Variants in MAST4 observed in about 807,000 individuals in gnomAD.
The protein encoded by MAST4 is microtubule-associated serine/threonine-protein kinase 4.
Under a neutral mutation model 162.7 loss-of-function variants are expected in MAST4, and 89 were observed. The ratio of observed to expected loss-of-function variants is 0.55; its 90% CI spans 0.46 to 0.65. The LOEUF (loss-of-function observed/expected upper bound fraction) is 0.65. MAST4 is among the 30% of genes least tolerant of loss of function. The pLI, the probability that MAST4 is intolerant of heterozygous loss-of-function variation, is 0.00. For missense variants in MAST4, 3,153 were observed against 3,374.0 expected, an observed-to-expected ratio of 0.93 and a Z score of 1.62; for synonymous variants, 1,479 against 1,361.1, an observed-to-expected ratio of 1.09 and a Z score of -1.91.
chr5:67,121,089 A>T lies in MAST4; in HGVS notation c.1732A>T (p.Asn578Tyr). 6.2e-7 allele frequency: 1 copy of T among 1,606,864 alleles called. No individual in the cohort carries two copies. Among genetic ancestry groups the T allele is most frequent in the East Asian group, 2.2e-5 (1 of 44,748 alleles). The stretch of plus-strand genomic sequence containing the variant: ...TTTTGAAACGATTAAATTGATTAGC[A>T]ATGGAGCCTATGGGTGAGTAATTCA... ...SDFETIKLIS[N>Y]GAYGAVYFVR... The change falls in exon 14 of 29, where the codon AAT (asparagine) becomes TAT (tyrosine). Residue 578 changes from asparagine (N) to tyrosine (Y), a missense_variant. By Grantham distance (143) the Asn-to-Tyr change is moderately radical. This residue lies in a region of MAST4 where 360 missense variants were observed against 450.0 expected (regional missense o/e 0.80). Coordinates refer to ENST00000403625, the MANE Select transcript of MAST4 (RefSeq NM_001164664.2).
chr5:66,613,975 C>T (rs138963260), intron 1 of MAST4, among the ~76,000 whole-genome samples: 156 of 152,288 alleles, frequency 1.0e-3, no homozygotes, highest in Non-Finnish European at 1.2e-3. Context: ...TCCCAAAAGC[C>T]ATGCAAATTT....
intron 4 of MAST4, among the ~76,000 whole-genome samples, chr5:67,024,038 C>T (rs1047559311): frequency 6.6e-6 from 1 of 151,768 alleles, no homozygotes; most frequent in Non-Finnish European, 1.5e-5. Flanking sequence ...ACAAACTCTA[C>T]TCATTAAAGA....
At chr5:66,825,192 TTTTC>T (rs1713762838) in intron 3 of MAST4, among the ~76,000 whole-genome samples, 1 of 152,046 alleles carries the variant, frequency 6.6e-6, no homozygotes. Context: ...CAAAATATTG[TTTTC>T]TTTAAGCTTT....
intron 4 of MAST4, among the ~76,000 whole-genome samples, chr5:66,955,509 C>T (rs1189219577): frequency 1.3e-5 from 2 of 152,040 alleles, no homozygotes; most frequent in African/African-American, 4.8e-5. Flanking sequence ...TTTTATAAGA[C>T]AAAATTTCAA....
intron 1 of MAST4, among the ~76,000 whole-genome samples, chr5:66,680,413 A>G (rs1363156417): frequency 2.6e-5 from 4 of 152,128 alleles, no homozygotes; most frequent in Non-Finnish European, 5.9e-5. Context: ...GGTACTTCCT[A>G]ACCTCATTGA....
At chr5:66,873,685 A>T (rs996020475) in intron 3 of MAST4, among the ~76,000 whole-genome samples, 1 of 152,200 alleles carries the variant, frequency 6.6e-6, no homozygotes, top group Non-Finnish European at 1.5e-5. Context: ...AGATTTTCTC[A>T]TCTATGAGGA....
intron 14 of MAST4, among the ~76,000 whole-genome samples, chr5:67,127,049 A>G (rs575357423): frequency 6.8e-4 from 103 of 151,888 alleles, no homozygotes; most frequent in Non-Finnish European, 1.2e-3. Context: ...CTGTTTGTCT[A>G]TTACTGGTGT....
intron 21 of MAST4, among the ~76,000 whole-genome samples, chr5:67,144,033 T>C (rs969423341): frequency 2.0e-4 from 30 of 152,056 alleles, no homozygotes; most frequent in Non-Finnish European, 4.1e-4. Context: ...GATTCACAGA[T>C]AGCTGAGACC....
chr5:66,672,227 A>G (rs1438210623), intron 1 of MAST4, among the ~76,000 whole-genome samples: 1 of 152,246 alleles, frequency 6.6e-6, no homozygotes, highest in Non-Finnish European at 1.5e-5. Context: ...GCATATATGC[A>G]TAACCTTCCT....
At chr5:67,143,651 G>T (rs190138703) in intron 21 of MAST4, among the ~76,000 whole-genome samples, 50 of 152,214 alleles carry the variant, frequency 3.3e-4, no homozygotes, top group African/African-American at 1.2e-3. Flanking sequence ...CCTGCAAATT[G>T]GCCAGCACTA....
chr5:66,943,226 T>C (rs1452117736), intron 4 of MAST4, among the ~76,000 whole-genome samples: 2 of 152,118 alleles, frequency 1.3e-5, no homozygotes, highest in Non-Finnish European at 2.9e-5. Context: ...TTAATTTCAT[T>C]ACCGGTGAAA....
intron 1 of MAST4, among the ~76,000 whole-genome samples, chr5:66,747,686 A>T (rs1363644263): frequency 6.6e-6 from 1 of 152,192 alleles, no homozygotes; most frequent in Non-Finnish European, 1.5e-5. Flanking sequence ...CGCACTCAAA[A>T]ATAGGTGAAG....
At chr5:66,660,294 A>G (rs1330700560) in intron 1 of MAST4, among the ~76,000 whole-genome samples, 1 of 152,190 alleles carries the variant, frequency 6.6e-6, no homozygotes, top group Non-Finnish European at 1.5e-5. Context: ...AGGTTGAGGC[A>G]CGAGAATCGC....
rs1773531115 is a variant in MAST4, at chr5:67,163,858, A to G, written c.4679A>G (p.Asp1560Gly). The G allele has an allele frequency of 1.2e-6, 2 of 1,613,850 alleles. No individual in the cohort carries two copies. The highest frequency in any genetic ancestry group is 1.3e-5 in the African/African-American group (1 of 74,938). ...CAGAAATCCCATGGACCCGGGAGTG[A>G]TTTGGAAAACTTTGCTCTGTTTAAG... ...SHQKSHGPGSDLENFALFKLE... is the reference protein window; with the variant it reads ...SHQKSHGPGSGLENFALFKLE... The change falls in exon 29 of 29, where the codon GAT becomes GGT. Residue 1560 changes from aspartate (D) to glycine (G), a missense_variant. Physicochemically the swap from Asp to Gly is moderately conservative, Grantham distance 94 (BLOSUM62 -1). This residue lies in a region of MAST4 where 1,644 missense variants were observed against 1,495.0 expected (regional missense o/e 1.10). Coordinates refer to ENST00000403625, the MANE Select transcript of MAST4 (RefSeq NM_001164664.2). The surrounding 1 kb of genome is among the most constrained non-coding windows in gnomAD (Gnocchi z 7.0).
At chr5:67,095,783 C>G (rs892650020) in intron 7 of MAST4, 108 bp downstream of exon 7, 6 of 711,580 alleles carry the variant, frequency 8.4e-6, no homozygotes, top group Non-Finnish European at 1.1e-5. Flanking sequence ...AAGATAAATT[C>G]TGCATGTCTG....
At chr5:66,743,723 A>T (rs1429841469) in intron 1 of MAST4, among the ~76,000 whole-genome samples, 2 of 152,224 alleles carry the variant, frequency 1.3e-5, no homozygotes, top group African/African-American at 4.8e-5. Context: ...ACCCAGTCAG[A>T]TAGAATTCAG....
chr5:66,690,281 G>A (rs902113069), intron 1 of MAST4, among the ~76,000 whole-genome samples: 1 of 152,166 alleles, frequency 6.6e-6, no homozygotes, highest in African/African-American at 2.4e-5. Flanking sequence ...GGAAACGCTT[G>A]TCAGGGTAAG....
intron 27 of MAST4, among the ~76,000 whole-genome samples, chr5:67,160,798 A>T (rs547711303): frequency 5.3e-5 from 8 of 152,332 alleles, no homozygotes; most frequent in Admixed American, 2.0e-4. Flanking sequence ...TACATTGTGG[A>T]AGGATTCAGA....
At chr5:66,910,741 CTTTTTTTTTTTTTCTTT>C (rs1235972348) in intron 4 of MAST4, among the ~76,000 whole-genome samples, 1 of 20,086 alleles carries the variant, frequency 5.0e-5, no homozygotes, top group Non-Finnish European at 1.6e-4. Context: ...TTTTTTTTTT[CTTTTTTTTTTTTTCTTT>C]TTTTTTTTTT....
Sources: gnomAD v4.1 joint callset for allele counts (sites outside exome capture counted in the v4.1 genomes callset) on GRCh38, gnomAD v4.1.1 for gene constraint, gnomAD v4.1.1 regional missense constraint, Gnocchi (gnomAD v3.1) non-coding constraint, MANE v1.5 for transcripts, NCBI Gene and HGNC (gene_info 2026-07-23, HGNC 2026-07-21) for gene names.